The following KCMF1 variants were observed in gnomAD, a reference collection of about 807,000 sequenced individuals.
The protein encoded by KCMF1 is E3 ubiquitin-protein ligase KCMF1.
Under a neutral mutation model 41.1 loss-of-function variants are expected in KCMF1, and 3 were observed. That is an observed-to-expected ratio of 0.07 (90% CI 0.03 to 0.19). The LOEUF is 0.19. Among genes scored for constraint, KCMF1 ranks in the 10% least tolerant of loss-of-function variants. KCMF1 has a pLI of 1.00. For synonymous variants in KCMF1, 142 were observed against 164.5 expected (o/e 0.86, Z 1.04); for missense variants, 286 against 488.9 (o/e 0.58, Z 3.91).
At chr2:84,993,555 A>ATTTATTTT (rs1400852474) in intron 1 of KCMF1, among the ~76,000 whole-genome samples, 19 of 150,030 alleles carry the variant, frequency 1.3e-4, no homozygotes, top group African/African-American at 4.7e-4. Context: ...CCCATTATTT[A>ATTTATTTT]TTTATTTATT....
chr2:85,013,068 C>G (rs1674686219), intron 1 of KCMF1, among the ~76,000 whole-genome samples: 1 of 152,136 alleles, frequency 6.6e-6, no homozygotes, highest in Admixed American at 6.5e-5. Flanking sequence ...GTCTGTTGTA[C>G]TTCCCCAGCT....
At chr2:85,030,019 T>C (rs1257132589) in intron 2 of KCMF1, among the ~76,000 whole-genome samples, 5 of 152,052 alleles carry the variant, frequency 3.3e-5, no homozygotes. Context: ...ACACTTTTTG[T>C]CCTTTTTATT....
intron 1 of KCMF1, among the ~76,000 whole-genome samples, chr2:84,996,259 G>A (rs1029518526): frequency 3.3e-5 from 5 of 152,070 alleles, no homozygotes; most frequent in Admixed American, 2.6e-4. Context: ...GTCTAGAATT[G>A]CTGATAGTGT....
intron 6 of KCMF1, among the ~76,000 whole-genome samples, chr2:85,050,238 A>G (rs760058979): frequency 2.7e-4 from 41 of 152,196 alleles, no homozygotes; most frequent in Non-Finnish European, 3.7e-4. Context: ...CTTAAACACT[A>G]TATCATTATA....
chr2:85,031,482 T>C (rs1345098681), intron 2 of KCMF1, among the ~76,000 whole-genome samples: 1 of 152,222 alleles, frequency 6.6e-6, no homozygotes, highest in Non-Finnish European at 1.5e-5. Context: ...ACAACCATGC[T>C]GTTTTTCATT....
chr2:84,999,426 C>T (rs1674274603), intron 1 of KCMF1, among the ~76,000 whole-genome samples: 1 of 152,212 alleles, frequency 6.6e-6, no homozygotes, highest in Non-Finnish European at 1.5e-5. Context: ...GTTGGGATTA[C>T]AGGCGTGAGC....
chr2:85,040,035 C>CA (rs2104048938), intron 3 of KCMF1, among the ~76,000 whole-genome samples: 1 of 152,250 alleles, frequency 6.6e-6, no homozygotes, highest in East Asian at 1.9e-4. Flanking sequence ...AGACTGGTCT[C>CA]AAACTCCTAA....
rs1285145849 is a variant in KCMF1 at position 84,971,211 on chromosome 2, C to A, written c.-241C>A. ...GCGGGCGCCGGCGGAGCTGCGGCGT[C>A]GGACCCGCCTCCTGGAGGAGCTCAG... On this transcript the variant is annotated 5_prime_UTR_variant, in exon 1 of 7. Transcript: ENST00000409785. 1.4e-5 allele frequency: 2 copies of A among 146,500 alleles called. No individual in the cohort carries two copies. Among genetic ancestry groups the A allele is most frequent in the South Asian group, 1.8e-4 (1 of 5,572 alleles). The allele number at this position is 146,500 out of a possible 1,614,324, so 9.1% of individuals were successfully genotyped here.
chr2:84,990,937 AGTGGATGGTTT>A (rs1674026554), intron 1 of KCMF1, among the ~76,000 whole-genome samples: 1 of 152,146 alleles, frequency 6.6e-6, no homozygotes, highest in Non-Finnish European at 1.5e-5. Flanking sequence ...CTCAAAACCC[AGTGGATGGTTT>A]TGAGCAAGTT....
At chr2:84,985,401 C>T (rs771409585) in intron 1 of KCMF1, among the ~76,000 whole-genome samples, 3 of 152,204 alleles carry the variant, frequency 2.0e-5, no homozygotes, top group African/African-American at 4.8e-5. Context: ...CATTTCTTTA[C>T]AAACTTTCCC....
chr2:84,991,672 A>G (rs929378247), intron 1 of KCMF1, among the ~76,000 whole-genome samples: 2 of 152,158 alleles, frequency 1.3e-5, no homozygotes, highest in African/African-American at 4.8e-5. Context: ...GAATTAGTTT[A>G]TTTTAGTCCA....
Position 84,971,405 on chromosome 2 carries a change from T to A in KCMF1, c.-47T>A. 8.7e-7 allele frequency: 1 copy of A among 1,148,136 alleles called. No individual in the cohort carries two copies. Among genetic ancestry groups the A allele is most frequent in the East Asian group, 5.7e-5 (1 of 17,534 alleles). 71.1% of individuals were successfully genotyped at this position (1,148,136 alleles called of 1,614,324 possible). On this transcript the variant is annotated 5_prime_UTR_variant, in exon 1 of 7. Coordinates refer to ENST00000409785, the MANE Select transcript of KCMF1 (RefSeq NM_020122.5). ...AGCGCCGGGACCCCGCGGGGGACAC[T>A]GCAGCCGGAGCCCGGGAGGGGCCGC...
intron 1 of KCMF1, 139 bp from the exon 2 acceptor site, chr2:85,027,750 C>T (rs1675148846): frequency 3.3e-6 from 2 of 602,810 alleles, no homozygotes; most frequent in Non-Finnish European, 3.0e-6. Context: ...GCTAAAACTT[C>T]CCGTATCATT....
intron 1 of KCMF1, among the ~76,000 whole-genome samples, chr2:84,981,204 T>C (rs1307008187): frequency 1.3e-5 from 2 of 151,976 alleles, no homozygotes; most frequent in Non-Finnish European, 2.9e-5. Flanking sequence ...TTTTTTTTTT[T>C]TTTGAGACAG....
At chr2:84,986,822 C>T (rs146533856) in intron 1 of KCMF1, among the ~76,000 whole-genome samples, 2,593 of 152,060 alleles carry the variant, frequency 0.017, 36 homozygotes, top group Middle Eastern at 0.045. Context: ...GTGGAGGTTG[C>T]AGTGAGCCGA....
intron 1 of KCMF1, among the ~76,000 whole-genome samples, chr2:84,988,015 GT>G (rs542206153): frequency 1.1e-4 from 16 of 152,088 alleles, no homozygotes; most frequent in Admixed American, 2.6e-4. Flanking sequence ...GAGGTCGGGA[GT>G]TCAAGACCAG....
rs1266288948 is a variant in KCMF1 at position 85,057,921 on chromosome 2, T to C, written c.*4512T>C. 6.6e-6 allele frequency: 1 copy of C among 152,204 alleles called. No homozygotes were observed. Among genetic ancestry groups the C allele is most frequent in the Non-Finnish European group, 1.5e-5 (1 of 68,032 alleles). The allele number at this position is 152,204 out of a possible 1,614,324, so 9.4% of individuals were successfully genotyped here. ...TGCCTAATAACATGGGTTCCTCAAATCACAAAGGAGAATGCTCTCAAGTCC... is the reference window on the plus strand; with the variant it reads ...TGCCTAATAACATGGGTTCCTCAAACCACAAAGGAGAATGCTCTCAAGTCC... On this transcript the variant is annotated 3_prime_UTR_variant, in exon 7 of 7. Transcript: ENST00000409785.
At chr2:84,985,467 C>CAA (rs1673877429) in intron 1 of KCMF1, among the ~76,000 whole-genome samples, 1 of 152,212 alleles carries the variant, frequency 6.6e-6, no homozygotes, top group Admixed American at 6.5e-5. Flanking sequence ...CTCTATTACT[C>CAA]TATTTAACTG....
At chr2:84,985,284 G>A (rs936410065) in intron 1 of KCMF1, among the ~76,000 whole-genome samples, 1 of 152,156 alleles carries the variant, frequency 6.6e-6, no homozygotes, top group Admixed American at 6.6e-5. Context: ...AATGCTTTGA[G>A]AAACACATTT....
Sources: gnomAD v4.1 joint callset for allele counts (sites outside exome capture counted in the v4.1 genomes callset) on GRCh38, gnomAD v4.1.1 for gene constraint, MANE v1.5 for transcripts, NCBI Gene and HGNC (gene_info 2026-07-23, HGNC 2026-07-21) for gene names.